MGA: variants seen among roughly 807,000 people sequenced by gnomAD.
MGA encodes the protein MAX dimerization protein MGA, also known as MAX gene-associated protein.
Under a neutral mutation model 261.1 loss-of-function variants are expected in MGA, and 40 were observed. That is an observed-to-expected ratio of 0.15 (90% CI 0.12 to 0.20). The LOEUF is 0.20. Among genes scored for constraint, MGA ranks in the 10% least tolerant of loss-of-function variants. The pLI is 1.00. For missense variants in MGA, 3,397 were observed against 3,630.5 expected, an observed-to-expected ratio of 0.94 and a Z score of 1.65; for synonymous variants, 1,302 against 1,290.6, an observed-to-expected ratio of 1.01 and a Z score of -0.19.
chr15:41,731,324 A>G (rs2061498342), intron 11 of MGA, among the ~76,000 whole-genome samples: 1 of 152,174 alleles, frequency 6.6e-6, no homozygotes. Context: ...GCATTTATGC[A>G]TGTATCTATG....
chr15:41,651,938 C>T (rs1207402077), intron 1 of MGA, among the ~76,000 whole-genome samples: 1 of 64,998 alleles, frequency 1.5e-5, no homozygotes, highest in Non-Finnish European at 3.2e-5. Flanking sequence ...TCCCTCCCCC[C>T]GTCTCTCCTC....
chr15:41,624,560 G>C (rs1435056361), intron 1 of MGA, among the ~76,000 whole-genome samples: 1 of 151,858 alleles, frequency 6.6e-6, no homozygotes, highest in Non-Finnish European at 1.5e-5. Flanking sequence ...GTCTCGAGCT[G>C]CTGACCTCAT....
intron 9 of MGA, among the ~76,000 whole-genome samples, chr15:41,721,847 C>G (rs1193577521): frequency 1.3e-5 from 2 of 152,114 alleles, no homozygotes; most frequent in African/African-American, 2.4e-5. Context: ...AGCAGTTTGA[C>G]TCCAGAGTAA....
chr15:41,660,400 T>C (rs1191318436), upstream of MGA: 1 of 152,544 alleles, frequency 6.6e-6, no homozygotes, highest in African/African-American at 2.4e-5. Context: ...CGCGGTGACG[T>C]GGACGTCCGG....
Position 41,697,078 on chromosome 15 carries a change from A to G in MGA, c.2013+55A>G, listed in dbSNP as rs16971975. ...GGCTAATTAGTCATACTTGAATTGT[A>G]TACTGGCTTGTAAGTAACTCGATTT... is the stretch of plus-strand genomic sequence containing the variant. On this transcript the variant is annotated intron_variant, in intron 3 of 23. Coordinates refer to ENST00000219905, the MANE Select transcript of MGA (RefSeq NM_001164273.2). The G allele has an allele frequency of 1.6e-3, 2,112 of 1,337,726 alleles. 55 individuals are homozygous for G. In the East Asian group the frequency reaches 0.046, roughly 29 times the overall value. 82.9% of individuals were successfully genotyped at this position (1,337,726 alleles called of 1,614,324 possible).
At chr15:41,755,902 C>T (rs11633160) in intron 18 of MGA, among the ~76,000 whole-genome samples, 36,566 of 151,834 alleles carry the variant, frequency 0.24, 5,021 homozygotes, top group Middle Eastern at 0.43. Context: ...GCCTGTAGTC[C>T]CAGCTACTCG....
At chr15:41,689,723 A>ACC (rs979301101) in intron 2 of MGA, among the ~76,000 whole-genome samples, 4 of 151,186 alleles carry the variant, frequency 2.6e-5, no homozygotes, top group Non-Finnish European at 4.4e-5. Context: ...GCACCACCAC[A>ACC]CCCGACTAAT....
At chr15:41,642,512 T>A (rs2056843026) in intron 1 of MGA, among the ~76,000 whole-genome samples, 1 of 151,614 alleles carries the variant, frequency 6.6e-6, no homozygotes, top group Admixed American at 6.6e-5. Context: ...TTAGACAGAG[T>A]CTTCCTCTGT....
chr15:41,754,466 T>G lies in MGA; in HGVS notation c.7038T>G (p.Asp2346Glu), dbSNP rs1398572201. The G allele has an allele frequency of 1.7e-5, 26 of 1,557,002 alleles. No homozygotes were observed. The highest frequency in any genetic ancestry group is 2.3e-5 in the Non-Finnish European group (26 of 1,149,564). ...ACTGTGTAGAATACATTGAGGATGA[T>G]GAGGAGCACGTGGACATTGAGACTG... Residue 2346 changes from aspartate (D) to glutamate (E), a missense_variant, in exon 18 of 24, where the codon GAT (aspartate) becomes GAG (glutamate). Physicochemically the swap from Asp to Glu is conservative, Grantham distance 45. Around this residue, in one of 9 missense-constraint regions of MGA, gnomAD observed 1,410 missense variants for 1,386.4 expected, o/e 1.02. Transcript: ENST00000219905.
intron 1 of MGA, among the ~76,000 whole-genome samples, chr15:41,646,529 G>A (rs1343463350): frequency 6.6e-6 from 1 of 151,782 alleles, no homozygotes; most frequent in Non-Finnish European, 1.5e-5. Flanking sequence ...TGCCATGTTG[G>A]CCAGGTTGGT....
At chr15:41,700,745 T>A (rs2059808376) in intron 5 of MGA, among the ~76,000 whole-genome samples, 1 of 152,234 alleles carries the variant, frequency 6.6e-6, no homozygotes, top group Non-Finnish European at 1.5e-5. Flanking sequence ...AATTTTAGGC[T>A]GTGCCCCAAT....
intron 18 of MGA, among the ~76,000 whole-genome samples, chr15:41,757,540 A>G (rs903559898): frequency 2.0e-5 from 3 of 152,214 alleles, no homozygotes; most frequent in Admixed American, 6.5e-5. Flanking sequence ...ACTGAAGGAC[A>G]ACTTTAAATT....
chr15:41,713,376 G>A lies in MGA; in HGVS notation c.3310G>A (p.Ala1104Thr). 2.5e-6 allele frequency: 4 copies of A among 1,611,796 alleles called. No homozygotes were observed. Among genetic ancestry groups the A allele is most frequent in the Non-Finnish European group, 3.4e-6 (4 of 1,178,844 alleles). Reference sequence around the variant, plus strand: ...AACTAAGCATTTTCAGAGGAAGGCTGCTCATCGAGATCCAGTATTTTATGA... The same window carrying A: ...AACTAAGCATTTTCAGAGGAAGGCTACTCATCGAGATCCAGTATTTTATGA... Residue 1104 changes from alanine (A) to threonine (T), a missense_variant, in exon 9 of 24, where the codon GCT (alanine) becomes ACT (threonine). This residue lies in a region of MGA where 519 missense variants were observed against 554.1 expected (regional missense o/e 0.94). Coordinates refer to ENST00000219905, the MANE Select transcript of MGA (RefSeq NM_001164273.2).
intron 2 of MGA, among the ~76,000 whole-genome samples, chr15:41,687,832 A>C (rs930517955): frequency 6.6e-6 from 1 of 152,162 alleles, no homozygotes; most frequent in South Asian, 2.1e-4. Flanking sequence ...CTTATCAAGT[A>C]AGTTTGATTG....
chr15:41,715,466 T>G (rs1195743013), intron 9 of MGA, among the ~76,000 whole-genome samples: 1 of 152,136 alleles, frequency 6.6e-6, no homozygotes, highest in Non-Finnish European at 1.5e-5. Flanking sequence ...TACCTTGAGA[T>G]TATAAAAATA....
chr15:41,638,809 G>A (rs560053757), intron 1 of MGA, among the ~76,000 whole-genome samples: 1 of 150,166 alleles, frequency 6.7e-6, no homozygotes, highest in East Asian at 2.0e-4. Flanking sequence ...TCCTACCTCA[G>A]CCTCCCTATT....
upstream of MGA, among the ~76,000 whole-genome samples, chr15:41,656,603 G>A (rs1020480083): frequency 1.1e-4 from 16 of 151,572 alleles, no homozygotes; most frequent in Middle Eastern, 3.4e-3. Flanking sequence ...CAAACAGTCC[G>A]TCCCACCTCA....
At position 41,754,492 on chromosome 15, in the gene MGA, T is replaced by C; in HGVS notation, c.7064T>C (p.Val2355Ala). The change falls in exon 18 of 24, where the codon GTA (valine) becomes GCA (alanine). Residue 2355 changes from valine to alanine, a missense_variant. Val to Ala is a moderately conservative substitution (Grantham distance 64, BLOSUM62 0). Transcript: ENST00000219905. ...GAGGAGCACGTGGACATTGAGACTG[T>C]AGAAGAGCTCTCAGAGGAAATTAAT... The C allele has an allele frequency of 1.9e-6, 3 of 1,569,842 alleles. No homozygotes were observed. Among genetic ancestry groups the C allele is most frequent in the Non-Finnish European group, 2.6e-6 (3 of 1,155,538 alleles).
chr15:41,749,523 T>C lies in MGA; in HGVS notation c.5916T>C (p.Ser1972=), dbSNP rs576412639. The change falls in exon 17 of 24, where the codon TCT becomes TCC. Residue 1972 remains serine (S), a synonymous_variant. Transcript: ENST00000219905. ...CTTCCCTTCAGATGAAGAGAGAATCTCAGAATCCAGACCAGAAAGATGAAA... is the reference window on the plus strand; with the variant it reads ...CTTCCCTTCAGATGAAGAGAGAATCCCAGAATCCAGACCAGAAAGATGAAA... The C allele has an allele frequency of 6.2e-7, 1 of 1,613,814 alleles. No homozygotes were observed. Among genetic ancestry groups the C allele is most frequent in the East Asian group, 2.2e-5 (1 of 44,888 alleles).
Sources: gnomAD v4.1 joint callset for allele counts (sites outside exome capture counted in the v4.1 genomes callset) on GRCh38, gnomAD v4.1.1 for gene constraint, gnomAD v4.1.1 regional missense constraint, MANE v1.5 for transcripts, NCBI Gene and HGNC (gene_info 2026-07-23, HGNC 2026-07-21) for gene names.